CR1: variants seen among roughly 807,000 people sequenced by gnomAD.
CR1 encodes complement C3b/C4b receptor 1 (Knops blood group).
A neutral mutation model predicts 187.3 loss-of-function variants in CR1; 116 were observed. That is an observed-to-expected ratio of 0.62 (90% confidence interval 0.53 to 0.72). CR1 has a LOEUF of 0.72. Among genes scored for constraint, CR1 ranks in the 30% least tolerant of loss-of-function variants. The probability of loss-of-function intolerance (pLI) is 0.00; values close to 1 mark genes in which losing one functional copy is unlikely to be tolerated. For missense variants in CR1, 1,731 were observed against 2,110.7 expected (o/e 0.82, Z 3.52); for synonymous variants, 576 against 747.1 (o/e 0.77, Z 3.73).
At chr1:207,593,323 T>A (rs993746007) in intron 35 of CR1, among the ~76,000 whole-genome samples, 1 of 152,124 alleles carries the variant, frequency 6.6e-6, no homozygotes, top group Non-Finnish European at 1.5e-5. Flanking sequence ...AACCATCTGA[T>A]CTTTGATGAA....
chr1:207,603,430 A>C (rs1661662698), intron 35 of CR1, among the ~76,000 whole-genome samples: 1 of 151,966 alleles, frequency 6.6e-6, no homozygotes, highest in Admixed American at 6.6e-5. Flanking sequence ...ATTGAAGCCT[A>C]GGCTCTTTCC....
rs147854730 is a variant in CR1, at chr1:207,538,093, CATAT to C, written c.1752-1861_1752-1858del. Among the ~76,000 whole-genome samples the C allele has an allele frequency of 5.6e-3, 90 of 15,940 alleles. 1 individual carries two copies. The highest frequency in any genetic ancestry group is 0.019 in the South Asian group (3 of 162). 10.5% of individuals were successfully genotyped at this position (15,940 alleles called of 152,430 possible). A position where few individuals can be genotyped will look rare whatever the true frequency, so the allele number is the denominator to read the frequency against. On this transcript the variant is annotated intron_variant, in intron 11 of 46. Coordinates refer to ENST00000367049, the MANE Select transcript of CR1 (RefSeq NM_000651.6). The stretch of plus-strand genomic sequence containing the variant: ...TTCATTTCATACATGTGATCTATAT[CATAT>C]ATATATATATATATATATATATATA...
intron 35 of CR1, among the ~76,000 whole-genome samples, chr1:207,599,525 C>G (rs1160677116): frequency 6.6e-6 from 1 of 152,174 alleles, no homozygotes; most frequent in African/African-American, 2.4e-5. Context: ...ACAATAGGTT[C>G]TTTATTGCAG....
chr1:207,604,366 T>C (rs987204407), intron 35 of CR1, among the ~76,000 whole-genome samples: 2 of 152,206 alleles, frequency 1.3e-5, no homozygotes, highest in African/African-American at 4.8e-5. Flanking sequence ...GTTTTGTTCA[T>C]AGTAGAATTT....
At position 207,618,148 on chromosome 1, in the gene CR1, A is replaced by G. The variant is rs764047591; in HGVS notation, c.6967A>G (p.Ile2323Val). 9 of 1,613,960 alleles carry G rather than the reference A, an allele frequency of 5.6e-6. No individual in the cohort carries two copies. The highest frequency in any genetic ancestry group is 2.2e-5 in the East Asian group (1 of 44,876). Residue 2323 changes from isoleucine to valine, a missense_variant, in exon 42 of 47, where the codon ATC becomes GTC. Physicochemically the swap from Ile to Val is conservative, Grantham distance 29. Transcript: ENST00000367049. ...ATCTCTATATCTTCCTGGGATGACA[A>G]TCAGCTACATTTGTGACCCCGGCTA... The part of the protein sequence containing the change: ...HVSLYLPGMT[I>V]SYICDPGYLL...
At chr1:207,580,822 A>G (rs528940032) in intron 31 of CR1, among the ~76,000 whole-genome samples, 1 of 152,182 alleles carries the variant, frequency 6.6e-6, no homozygotes, top group Non-Finnish European at 1.5e-5. Flanking sequence ...CATATAACTG[A>G]GTGTCAAGTA....
intron 4 of CR1, among the ~76,000 whole-genome samples, chr1:207,514,391 C>A (rs1288185506): frequency 6.6e-6 from 1 of 152,064 alleles, no homozygotes; most frequent in Non-Finnish European, 1.5e-5. Context: ...ATGTTGAAAT[C>A]CTTACCCCTA....
rs747792167 is a variant in CR1, at chr1:207,617,577, GTATATA to G, written c.6890-463_6890-458del. Among the ~76,000 whole-genome samples, 192 of 47,140 alleles carry G rather than the reference GTATATA, an allele frequency of 4.1e-3. 1 individual carries two copies. Among genetic ancestry groups the G allele is most frequent in the Admixed American group, 5.9e-3 (21 of 3,562 alleles). 30.9% of individuals were successfully genotyped at this position (47,140 alleles called of 152,430 possible). A position where few individuals can be genotyped will look rare whatever the true frequency, so the allele number is the denominator to read the frequency against. ...TATATGTGTATATATATGTGTGTGT[GTATATA>G]TATATATATATATATATATATATAT... On this transcript the variant is annotated intron_variant, in intron 41 of 46. Transcript: ENST00000367049.
At chr1:207,500,725 T>C (rs938080108) in intron 1 of CR1, among the ~76,000 whole-genome samples, 1 of 152,218 alleles carries the variant, frequency 6.6e-6, no homozygotes, top group Non-Finnish European at 1.5e-5. Flanking sequence ...CAACAGATTC[T>C]TAAAACCTTA....
intron 4 of CR1, among the ~76,000 whole-genome samples, chr1:207,517,793 A>G (rs968916741): frequency 1.3e-5 from 2 of 152,130 alleles, no homozygotes; most frequent in African/African-American, 4.8e-5. Flanking sequence ...GCTGTTTATT[A>G]TAGTCTCATA....
At chr1:207,604,099 G>C (rs1414818243) in intron 35 of CR1, among the ~76,000 whole-genome samples, 2 of 152,026 alleles carry the variant, frequency 1.3e-5, no homozygotes, top group Admixed American at 6.6e-5. Context: ...CCAATCTAAT[G>C]GGCAAAAACG....
intron 1 of CR1, among the ~76,000 whole-genome samples, chr1:207,502,860 G>C (rs1250652959): frequency 6.6e-6 from 1 of 152,218 alleles, no homozygotes; most frequent in Non-Finnish European, 1.5e-5. Flanking sequence ...TGGGCACTAT[G>C]ATGGAGCTCA....
chr1:207,574,007 C>A lies in CR1; in HGVS notation c.4452-1588C>A, dbSNP rs558856806. Among the ~76,000 whole-genome samples, 5 of 152,264 alleles carry A rather than the reference C, an allele frequency of 3.3e-5. No homozygotes were observed. The South Asian group carries it at 6.2e-4, about 19-fold the overall frequency. ...AATTAGCTGGGCATGGCAGCATATG[C>A]CTGTAGTCACAGCTAGGCAGGAGAC... is the stretch of plus-strand genomic sequence containing the variant. On this transcript the variant is annotated intron_variant, in intron 27 of 46. Coordinates refer to ENST00000367049, the MANE Select transcript of CR1 (RefSeq NM_000651.6).
At chr1:207,602,702 T>A (rs551223944) in intron 35 of CR1, among the ~76,000 whole-genome samples, 1 of 152,030 alleles carries the variant, frequency 6.6e-6, no homozygotes, top group Admixed American at 6.6e-5. Context: ...CATATAGATA[T>A]AGATAGAGAG....
intron 4 of CR1, among the ~76,000 whole-genome samples, chr1:207,511,971 T>C (rs1435978305): frequency 6.6e-6 from 1 of 152,146 alleles, no homozygotes; most frequent in African/African-American, 2.4e-5. Flanking sequence ...GGCAAATCAG[T>C]AAAGATTTTT....
At chr1:207,573,190 C>A (rs892760006) in intron 27 of CR1, among the ~76,000 whole-genome samples, 1 of 152,030 alleles carries the variant, frequency 6.6e-6, no homozygotes, top group Non-Finnish European at 1.5e-5. Context: ...GCTCAGCACA[C>A]GGTGGAGGCT....
intron 2 of CR1, 105 bp from the exon 3 acceptor site, chr1:207,506,609 C>G (rs1225258740): frequency 1.1e-6 from 1 of 894,772 alleles, no homozygotes; most frequent in African/African-American, 1.7e-5. Context: ...ACCATCAGAA[C>G]TGCGTGTGTT....
intron 35 of CR1, among the ~76,000 whole-genome samples, chr1:207,589,364 G>A (rs1661201562): frequency 6.6e-6 from 1 of 152,192 alleles, no homozygotes; most frequent in South Asian, 2.1e-4. Context: ...CTGCAGCAGA[G>A]GGGCCTGACT....
chr1:207,611,622 A>G (rs2102386801), intron 37 of CR1, 55 bp from the exon 38 acceptor site: 4 of 1,601,104 alleles, frequency 2.5e-6, no homozygotes, highest in Middle Eastern at 1.7e-4. Context: ...CATAAGATAT[A>G]ACAAAGGAAA....
Sources: gnomAD v4.1 joint callset for allele counts (sites outside exome capture counted in the v4.1 genomes callset) on GRCh38, gnomAD v4.1.1 for gene constraint, MANE v1.5 for transcripts, NCBI Gene and HGNC (gene_info 2026-07-23, HGNC 2026-07-21) for gene names.